The following CWC27 variants were observed in gnomAD, a reference collection of about 807,000 sequenced individuals.
CWC27 encodes CWC27 spliceosome associated cyclophilin, also known as spliceosome-associated protein CWC27 homolog.
CWC27 carries 47 observed loss-of-function variants against 63.6 expected under a neutral mutation model. The observed-to-expected ratio is 0.74, with a 90% CI of 0.58 to 0.94. The LOEUF is 0.94. Ranked by LOEUF, CWC27 falls within the 40% of genes least tolerant of loss-of-function variation. The pLI is 0.00. For missense variants in CWC27, 495 were observed against 554.3 expected (o/e 0.89, Z 1.07); for synonymous variants, 175 against 179.8 (o/e 0.97, Z 0.22).
At chr5:64,878,752 T>C (rs1004188816) in intron 10 of CWC27, among the ~76,000 whole-genome samples, 6 of 151,904 alleles carry the variant, frequency 3.9e-5, no homozygotes, top group Admixed American at 6.6e-5. Context: ...GGAGTATGTG[T>C]ACTGAATCTC....
At chr5:64,888,280 A>AATATATAATATAGTTAATATAATT (rs1281886672) in intron 11 of CWC27, among the ~76,000 whole-genome samples, 195 of 147,882 alleles carry the variant, frequency 1.3e-3, no homozygotes, top group African/African-American at 4.4e-3. Flanking sequence ...TAATTAACTA[A>AATATATAATATAGTTAATATAATT]ATATATAATA....
chr5:64,975,057 A>T (rs1749203276), intron 12 of CWC27, among the ~76,000 whole-genome samples: 2 of 152,338 alleles, frequency 1.3e-5, no homozygotes, highest in East Asian at 3.9e-4. Context: ...ATAGGAACTT[A>T]TAAATTTTCC....
chr5:64,973,088 C>G (rs1749154648), intron 12 of CWC27, among the ~76,000 whole-genome samples: 3 of 152,058 alleles, frequency 2.0e-5, no homozygotes, highest in African/African-American at 7.2e-5. Context: ...ACAGTGCGTA[C>G]ATGAAAAGTC....
chr5:64,981,930 AT>A (rs1415880002), intron 13 of CWC27, among the ~76,000 whole-genome samples: 1 of 152,072 alleles, frequency 6.6e-6, no homozygotes, highest in African/African-American at 2.4e-5. Context: ...CTGGATATGG[AT>A]TTTTTTCAGT....
chr5:64,852,559 C>G (rs914704647), intron 10 of CWC27, among the ~76,000 whole-genome samples: 2 of 151,862 alleles, frequency 1.3e-5, no homozygotes, highest in African/African-American at 4.8e-5. Flanking sequence ...GCAACCTCCA[C>G]CTCCCAAGTT....
At chr5:64,781,827 AAAAT>A in intron 2 of CWC27, 90 bp from the exon 3 acceptor site, 1 of 565,572 alleles carries the variant, frequency 1.8e-6, no homozygotes, top group Non-Finnish European at 3.0e-6. Context: ...AACATTCTGG[AAAAT>A]AAATCTTTTG....
intron 10 of CWC27, among the ~76,000 whole-genome samples, chr5:64,872,692 T>G (rs1387668750): frequency 6.6e-6 from 1 of 152,208 alleles, no homozygotes; most frequent in African/African-American, 2.4e-5. Flanking sequence ...ATGGGAAATC[T>G]TAAAGAATTT....
intron 11 of CWC27, among the ~76,000 whole-genome samples, chr5:64,960,001 C>G (rs868434619): frequency 6.6e-6 from 1 of 152,166 alleles, no homozygotes; most frequent in African/African-American, 2.4e-5. Flanking sequence ...TAAGGAGAAT[C>G]GAGAAAAAGC....
rs184648325 is a variant in CWC27, at chr5:64,938,627, A to G, written c.1043-33076A>G. Among the ~76,000 whole-genome samples, 39 of 152,108 alleles carry G rather than the reference A, an allele frequency of 2.6e-4. No homozygotes were observed. In the South Asian group the frequency reaches 2.7e-3, roughly 11 times the overall value. On this transcript the variant is annotated intron_variant, in intron 11 of 13. Transcript: ENST00000381070. Reference sequence around the variant, plus strand: ...GGAGTATCTTTGTGGTGTTCTCTGTATTTCCTGAATTTGAATGTTGGCCTG... The same window carrying G: ...GGAGTATCTTTGTGGTGTTCTCTGTGTTTCCTGAATTTGAATGTTGGCCTG...
At chr5:65,015,755 G>A (rs1192901184) in intron 13 of CWC27, among the ~76,000 whole-genome samples, 1 of 152,200 alleles carries the variant, frequency 6.6e-6, no homozygotes, top group Non-Finnish European at 1.5e-5. Flanking sequence ...GAGGAGCTGT[G>A]CTTTTAGGCA....
intron 11 of CWC27, among the ~76,000 whole-genome samples, chr5:64,970,713 A>T (rs1459737817): frequency 6.6e-6 from 1 of 152,202 alleles, no homozygotes; most frequent in Non-Finnish European, 1.5e-5. Context: ...AAGTTCTACC[A>T]AAATCATATT....
chr5:64,867,351 A>G, intron 10 of CWC27, among the ~76,000 whole-genome samples: 1 of 152,236 alleles, frequency 6.6e-6, no homozygotes, highest in Middle Eastern at 3.4e-3. Context: ...GTATATTGAT[A>G]TATTGTAAAG....
intron 13 of CWC27, among the ~76,000 whole-genome samples, chr5:64,989,197 T>C (rs987748486): frequency 3.3e-5 from 5 of 152,172 alleles, no homozygotes; most frequent in African/African-American, 1.2e-4. Context: ...CTTCTCAGAG[T>C]TGTTTATCAA....
intron 11 of CWC27, among the ~76,000 whole-genome samples, chr5:64,911,344 G>A (rs1004782738): frequency 6.6e-6 from 1 of 152,168 alleles, no homozygotes; most frequent in South Asian, 2.1e-4. Context: ...TTAGTATAGA[G>A]TGGAGGATTA....
At chr5:64,932,736 A>C (rs540955114) in intron 11 of CWC27, among the ~76,000 whole-genome samples, 1 of 152,138 alleles carries the variant, frequency 6.6e-6, no homozygotes, top group African/African-American at 2.4e-5. Context: ...TTACTCTGTC[A>C]GTATTGCTAT....
At position 64,924,472 on chromosome 5, in the gene CWC27, G is replaced by A. The variant is rs115394213; in HGVS notation, c.1042+38926G>A. Among the ~76,000 whole-genome samples the A allele has an allele frequency of 5.2e-3, 796 of 152,278 alleles. 6 individuals carry two copies. The highest frequency in any genetic ancestry group is 0.018 in the African/African-American group (755 of 41,554). On this transcript the variant is annotated intron_variant, in intron 11 of 13. Transcript: ENST00000381070. ...GAGACTGAACTCCTTGCAAAGCTAT[G>A]TAATCTACGTCTCTGTTTGCATCTC... is the stretch of plus-strand genomic sequence containing the variant.
intron 11 of CWC27, among the ~76,000 whole-genome samples, chr5:64,921,688 A>G (rs1186411859): frequency 6.6e-6 from 1 of 152,056 alleles, no homozygotes; most frequent in Non-Finnish European, 1.5e-5. Flanking sequence ...TGAGGATTTG[A>G]TCCTCTCATC....
chr5:64,911,899 C>T (rs561419580), intron 11 of CWC27, among the ~76,000 whole-genome samples: 3 of 151,790 alleles, frequency 2.0e-5, no homozygotes, highest in African/African-American at 7.2e-5. Flanking sequence ...ATGGTGAAAC[C>T]CCATCTCTAC....
intron 5 of CWC27, among the ~76,000 whole-genome samples, 190 bp downstream of exon 5, chr5:64,785,769 T>C (rs1743861301): frequency 6.6e-6 from 1 of 152,188 alleles, no homozygotes; most frequent in South Asian, 2.1e-4. Flanking sequence ...AATTCAAAGA[T>C]GAAACTTTAT....
Sources: allele counts gnomAD v4.1 joint callset (sites outside exome capture counted in the v4.1 genomes callset), GRCh38; gene constraint gnomAD v4.1.1; transcripts MANE v1.5; gene names NCBI Gene and HGNC (gene_info 2026-07-23, HGNC 2026-07-21).